TRPM3: variants seen among roughly 807,000 people sequenced by gnomAD.
TRPM3 encodes the protein transient receptor potential cation channel subfamily M member 3.
A neutral mutation model predicts 181.2 loss-of-function variants in TRPM3; 77 were observed. The observed-to-expected ratio is 0.42, with a 90% confidence interval of 0.35 to 0.51. TRPM3 has a LOEUF of 0.51. TRPM3 is among the 20% of genes least tolerant of loss of function. The pLI is 0.01. For missense variants in TRPM3, 1,759 were observed against 2,196.7 expected (o/e 0.80, Z 3.98); for synonymous variants, 745 against 796.4 (o/e 0.94, Z 1.09).
At chr9:70,580,501 A>G (rs1028667887) in intron 22 of TRPM3, among the ~76,000 whole-genome samples, 4 of 152,316 alleles carry the variant, frequency 2.6e-5, no homozygotes, top group Non-Finnish European at 5.9e-5. Flanking sequence ...TATGGTGTCC[A>G]CATCAACCCA....
chr9:70,855,858 TG>T (rs1441598114), intron 3 of TRPM3, among the ~76,000 whole-genome samples: 2 of 144,600 alleles, frequency 1.4e-5, no homozygotes, highest in African/African-American at 5.1e-5. Context: ...TTAATGCTTA[TG>T]ATGGTTTAAT....
intron 1 of TRPM3, among the ~76,000 whole-genome samples, chr9:71,328,288 G>A (rs921795408): frequency 2.0e-5 from 3 of 151,904 alleles, no homozygotes; most frequent in Admixed American, 6.6e-5. Context: ...CTCAGCCTCC[G>A]GAGAAGCTGG....
chr9:70,886,828 C>T (rs11788489), intron 1 of TRPM3, among the ~76,000 whole-genome samples: 1 of 152,018 alleles, frequency 6.6e-6, no homozygotes. Flanking sequence ...CCATACCTGG[C>T]TAATTTTTGT....
intron 22 of TRPM3, among the ~76,000 whole-genome samples, chr9:70,590,531 T>C (rs944504185): frequency 2.0e-5 from 3 of 152,106 alleles, no homozygotes; most frequent in South Asian, 2.1e-4. Flanking sequence ...GGAAAGGGAG[T>C]TGGAGAATAG....
intron 1 of TRPM3, among the ~76,000 whole-genome samples, chr9:71,379,031 T>A (rs754707287): frequency 1.3e-5 from 2 of 151,980 alleles, no homozygotes; most frequent in Non-Finnish European, 2.9e-5. Flanking sequence ...AAAACCAGTA[T>A]TGTCTCCATT....
chr9:71,406,262 T>C (rs548283664), intron 1 of TRPM3, among the ~76,000 whole-genome samples: 1 of 152,036 alleles, frequency 6.6e-6, no homozygotes, highest in Non-Finnish European at 1.5e-5. Context: ...AATAAAGAAA[T>C]GAATGAAGAA....
intron 1 of TRPM3, among the ~76,000 whole-genome samples, chr9:71,441,451 T>G (rs1421139054): frequency 6.6e-6 from 1 of 152,132 alleles, no homozygotes; most frequent in East Asian, 1.9e-4. Context: ...AACAAACTAC[T>G]AAAGGTTTAA....
chr9:71,430,797 C>T (rs574920789), intron 1 of TRPM3, among the ~76,000 whole-genome samples: 29 of 151,712 alleles, frequency 1.9e-4, no homozygotes, highest in East Asian at 5.8e-4. Flanking sequence ...GGTGAGAGAG[C>T]GAGACTCCAT....
At chr9:70,597,533 A>G (rs984188991) in intron 21 of TRPM3, among the ~76,000 whole-genome samples, 5 of 152,162 alleles carry the variant, frequency 3.3e-5, no homozygotes, top group Non-Finnish European at 5.9e-5. Context: ...TTCTTCCTCT[A>G]GTGAGTTTTG....
intron 19 of TRPM3, among the ~76,000 whole-genome samples, chr9:70,604,889 C>T (rs911200859): frequency 4.0e-5 from 6 of 151,348 alleles, no homozygotes; most frequent in Non-Finnish European, 5.9e-5. Context: ...CTCAAGAGAT[C>T]CTCCTATCTA....
intron 1 of TRPM3, among the ~76,000 whole-genome samples, chr9:71,184,288 G>A (rs898018299): frequency 6.6e-6 from 1 of 152,090 alleles, no homozygotes; most frequent in Non-Finnish European, 1.5e-5. Context: ...CAGCATGGGG[G>A]TTGCAAGAAC....
At chr9:71,085,319 A>C (rs1048080393) in intron 1 of TRPM3, among the ~76,000 whole-genome samples, 3 of 152,142 alleles carry the variant, frequency 2.0e-5, no homozygotes, top group Admixed American at 2.0e-4. Context: ...ACAGCAAAAG[A>C]AACTATCAAC....
At chr9:71,049,869 C>T (rs2059874349) in intron 1 of TRPM3, among the ~76,000 whole-genome samples, 1 of 152,130 alleles carries the variant, frequency 6.6e-6, no homozygotes, top group Non-Finnish European at 1.5e-5. Flanking sequence ...GCTCAGTTCC[C>T]TCACCTGTGA....
intron 1 of TRPM3, among the ~76,000 whole-genome samples, chr9:71,317,706 CGA>C (rs1565456354): frequency 6.6e-6 from 1 of 151,354 alleles, no homozygotes; most frequent in African/African-American, 2.4e-5. Flanking sequence ...CGCACACGCG[CGA>C]GAGAGAAGGT....
chr9:70,941,665 A>T (rs963292634), intron 1 of TRPM3, among the ~76,000 whole-genome samples: 2 of 152,164 alleles, frequency 1.3e-5, no homozygotes, highest in Non-Finnish European at 2.9e-5. Context: ...GATTTTGTTG[A>T]TACATAAGTG....
chr9:70,827,272 CTT>C (rs1219345861), intron 6 of TRPM3: 1 of 151,864 alleles, frequency 6.6e-6, no homozygotes, highest in African/African-American at 2.4e-5. Context: ...AAATCTGATT[CTT>C]TTGCTTTTCT....
intron 10 of TRPM3, among the ~76,000 whole-genome samples, chr9:70,640,105 G>A (rs1471486281): frequency 1.3e-5 from 2 of 152,148 alleles, no homozygotes; most frequent in African/African-American, 4.8e-5. Context: ...CAAATAGGGA[G>A]GACCTGTGCT....
At chr9:71,381,335 G>C (rs2092794990) in intron 1 of TRPM3, among the ~76,000 whole-genome samples, 1 of 152,084 alleles carries the variant, frequency 6.6e-6, no homozygotes, top group Non-Finnish European at 1.5e-5. Context: ...AGTCACAGAG[G>C]TGGAAGACAG....
At chr9:71,341,976 G>A (rs1027027404) in intron 1 of TRPM3, among the ~76,000 whole-genome samples, 2 of 151,652 alleles carry the variant, frequency 1.3e-5, no homozygotes, top group Non-Finnish European at 2.9e-5. Context: ...GAGGCAGAGA[G>A]GATGAGCAAA....
Sources: allele counts gnomAD v4.1 joint callset (sites outside exome capture counted in the v4.1 genomes callset), GRCh38; gene constraint gnomAD v4.1.1; transcripts MANE v1.5; gene names NCBI Gene and HGNC (gene_info 2026-07-23, HGNC 2026-07-21).